The following FSTL1 variants were observed in gnomAD, a reference collection of about 807,000 sequenced individuals.
FSTL1 encodes the protein follistatin-related protein 1.
In FSTL1, 24 loss-of-function variants were observed where a neutral mutation model predicts 45.9. The ratio of observed to expected loss-of-function variants is 0.52; its 90% confidence interval spans 0.38 to 0.74. The LOEUF is 0.74. FSTL1 is among the 30% of genes least tolerant of loss of function. The pLI is 0.00. For missense variants in FSTL1, 340 were observed against 381.8 expected, an observed-to-expected ratio of 0.89 and a Z score of 0.91; for synonymous variants, 120 against 137.6, an observed-to-expected ratio of 0.87 and a Z score of 0.89.
chr3:120,434,604 C>T (rs1198440241), intron 2 of FSTL1, among the ~76,000 whole-genome samples: 1 of 152,174 alleles, frequency 6.6e-6, no homozygotes, highest in African/African-American at 2.4e-5. Flanking sequence ...CTTCTAGAGT[C>T]ATAAACGCAC....
At chr3:120,446,844 A>G (rs1045448481) in intron 2 of FSTL1, among the ~76,000 whole-genome samples, 1 of 152,220 alleles carries the variant, frequency 6.6e-6, no homozygotes. Context: ...TAAGTGAAGT[A>G]CATCTATTTG....
chr3:120,437,403 T>A (rs1029647457), intron 2 of FSTL1, among the ~76,000 whole-genome samples: 3 of 152,220 alleles, frequency 2.0e-5, no homozygotes, highest in African/African-American at 7.2e-5. Context: ...CTGGTTTATG[T>A]GCCTAGGCTT....
At chr3:120,401,671 C>G (rs763734672) in intron 9 of FSTL1, among the ~76,000 whole-genome samples, 3 of 151,998 alleles carry the variant, frequency 2.0e-5, no homozygotes, top group Non-Finnish European at 4.4e-5. Flanking sequence ...CAGCCTCAAC[C>G]TCCCAGGCTC....
chr3:120,434,943 G>C (rs1937526093), intron 2 of FSTL1, among the ~76,000 whole-genome samples: 1 of 152,180 alleles, frequency 6.6e-6, no homozygotes, highest in Non-Finnish European at 1.5e-5. Context: ...AAACAGCCAG[G>C]CACGGTGGCT....
At chr3:120,424,677 C>T (rs1937345032) in intron 2 of FSTL1, among the ~76,000 whole-genome samples, 1 of 151,904 alleles carries the variant, frequency 6.6e-6, no homozygotes, top group Non-Finnish European at 1.5e-5. Flanking sequence ...AGGAAGGGAT[C>T]CAAGAGAGAT....
chr3:120,426,798 A>G (rs1937389234), intron 2 of FSTL1, among the ~76,000 whole-genome samples: 1 of 152,200 alleles, frequency 6.6e-6, no homozygotes. Context: ...CATATGGCAC[A>G]GGGCGTTTTT....
intron 7 of FSTL1, 101 bp downstream of exon 7, chr3:120,404,752 C>T (rs1419435628): frequency 5.5e-6 from 4 of 727,088 alleles, no homozygotes; most frequent in Admixed American, 1.9e-5. Context: ...ACGTGACATT[C>T]TCTCACTGGT....
intron 2 of FSTL1, among the ~76,000 whole-genome samples, chr3:120,449,595 C>T (rs1937836179): frequency 6.6e-6 from 1 of 152,148 alleles, no homozygotes; most frequent in Admixed American, 6.6e-5. Context: ...TGAGTTTCCA[C>T]CTCAATCAAC....
rs1410576072 is a variant in FSTL1 at position 120,395,007 on chromosome 3, G to A, written c.*1945C>T. On this transcript the variant is annotated 3_prime_UTR_variant, in exon 11 of 11. Transcript: ENST00000295633. ...GGCTGGTAAAACCTTTGATTAAGGCGTGCTGCTGTGAGTTCTCCAAGGCAC... is the reference window on the plus strand; with the variant it reads ...GGCTGGTAAAACCTTTGATTAAGGCATGCTGCTGTGAGTTCTCCAAGGCAC... 2.6e-5 allele frequency: 4 copies of A among 152,484 alleles called. No individual in the cohort carries two copies. The highest frequency in any genetic ancestry group is 2.1e-4 in the South Asian group (1 of 4,836). The allele number at this position is 152,484 out of a possible 1,614,324, so 9.4% of individuals were successfully genotyped here. A position where few individuals can be genotyped will look rare whatever the true frequency, so the allele number is the denominator to read the frequency against.
In FSTL1 at chr3:120,396,926, T is replaced by A. The variant is rs1431236633; in HGVS notation, c.*26A>T. The A allele has an allele frequency of 1.3e-6, 2 of 1,568,314 alleles. No individual in the cohort carries two copies. Among genetic ancestry groups the A allele is most frequent in the Non-Finnish European group, 1.8e-6 (2 of 1,138,088 alleles). On this transcript the variant is annotated 3_prime_UTR_variant, in exon 11 of 11. Transcript: ENST00000295633. ...CGCTGAAGTGGAGAAGATGCTGGGA[T>A]CCAGACACTGGTCTGTGCCTCCTCA...
chr3:120,435,803 TA>T (rs143973150), intron 2 of FSTL1, among the ~76,000 whole-genome samples: 2,308 of 152,258 alleles, frequency 0.015, 56 homozygotes, highest in African/African-American at 0.051. Context: ...ATTATAGCAT[TA>T]CCTGGAAAAT....
chr3:120,412,815 C>CAA (rs1432389940), intron 3 of FSTL1, among the ~76,000 whole-genome samples: 2 of 82,778 alleles, frequency 2.4e-5, no homozygotes, highest in African/African-American at 5.1e-5. Flanking sequence ...AACACACACA[C>CAA]ATGTGCGCGC....
Position 120,409,575 on chromosome 3 carries a change from G to A in FSTL1, c.419C>T (p.Ser140Phe). Residue 140 changes from serine (S) to phenylalanine (F), a missense_variant, in exon 6 of 11, where the codon TCT (serine) becomes TTT (phenylalanine). Transcript: ENST00000295633. ...EAEIIPDGWF[S>F]KGSNYSEILD... ...GATTTCACTGTAGTTGCTGCCTTTA[G>A]AGAACCAGCCATCTGGAATGATCTC... 2 of 1,613,988 alleles carry A rather than the reference G, an allele frequency of 1.2e-6. No homozygotes were observed. Among genetic ancestry groups the A allele is most frequent in the Non-Finnish European group, 1.7e-6 (2 of 1,179,844 alleles).
rs1462720842 is a variant in FSTL1 at position 120,403,227 on chromosome 3, T to C, written c.694+15A>G. ...TCCATTCACTACAGCTCTCTATTTCTTAGGTTAGGCATACTCTTCTCAGGA... is the reference window on the plus strand; with the variant it reads ...TCCATTCACTACAGCTCTCTATTTCCTAGGTTAGGCATACTCTTCTCAGGA... On this transcript the variant is annotated intron_variant, in intron 8 of 10. Coordinates refer to ENST00000295633, the MANE Select transcript of FSTL1 (RefSeq NM_007085.5). The C allele has an allele frequency of 7.3e-7, 1 of 1,379,036 alleles. No individual in the cohort carries two copies. The highest frequency in any genetic ancestry group is 1.0e-6 in the Non-Finnish European group (1 of 965,096). The allele number at this position is 1,379,036 out of a possible 1,614,324, so 85.4% of individuals were successfully genotyped here. A position where few individuals can be genotyped will look rare whatever the true frequency, so the allele number is the denominator to read the frequency against.
intron 2 of FSTL1, among the ~76,000 whole-genome samples, chr3:120,437,155 ATTTT>A (rs766415497): frequency 1.6e-4 from 25 of 152,330 alleles, no homozygotes; most frequent in Admixed American, 6.5e-4. Context: ...GGTCCCGTCC[ATTTT>A]CTTTTTCTCT....
At chr3:120,448,570 C>T (rs1937810281) in intron 2 of FSTL1, among the ~76,000 whole-genome samples, 1 of 152,184 alleles carries the variant, frequency 6.6e-6, no homozygotes, top group South Asian at 2.1e-4. Flanking sequence ...TAACCTAGCT[C>T]ATACCTACCC....
At chr3:120,425,292 A>G (rs566402279) in intron 2 of FSTL1, among the ~76,000 whole-genome samples, 1 of 152,106 alleles carries the variant, frequency 6.6e-6, no homozygotes, top group African/African-American at 2.4e-5. Context: ...CAGGAAGCCT[A>G]GAGAGCTCCC....
rs1447343526 is a variant in FSTL1, at chr3:120,392,322, A to C, written c.*4630T>G. 6.6e-6 allele frequency: 1 copy of C among 152,222 alleles called. No individual in the cohort carries two copies. The highest frequency in any genetic ancestry group is 1.5e-5 in the Non-Finnish European group (1 of 68,028). 9.4% of individuals were successfully genotyped at this position (152,222 alleles called of 1,614,324 possible). ...TCATGAGATGATATTTAATCTTACAAAAGGAATAATGAATATAAAAAATAA... is the reference window on the plus strand; with the variant it reads ...TCATGAGATGATATTTAATCTTACACAAGGAATAATGAATATAAAAAATAA... On this transcript the variant is annotated 3_prime_UTR_variant, in exon 11 of 11. Coordinates refer to ENST00000295633, the MANE Select transcript of FSTL1 (RefSeq NM_007085.5).
intron 6 of FSTL1, among the ~76,000 whole-genome samples, chr3:120,408,277 G>A (rs1374313062): frequency 6.6e-6 from 1 of 152,238 alleles, no homozygotes; most frequent in Non-Finnish European, 1.5e-5. Flanking sequence ...TAATGTGGGA[G>A]TGATTGAGAG....
Sources: allele counts gnomAD v4.1 joint callset (sites outside exome capture counted in the v4.1 genomes callset), GRCh38; gene constraint gnomAD v4.1.1; transcripts MANE v1.5; gene names NCBI Gene and HGNC (gene_info 2026-07-23, HGNC 2026-07-21).